LRP5: variants seen among roughly 807,000 people sequenced by gnomAD.
LRP5 encodes low-density lipoprotein receptor-related protein 5.
A neutral mutation model predicts 154.1 loss-of-function variants in LRP5; 62 were observed. The observed-to-expected ratio is 0.40, with a 90% confidence interval of 0.33 to 0.50. LRP5 has a LOEUF of 0.50. Ranked by LOEUF, LRP5 falls within the 20% of genes least tolerant of loss-of-function variation. LRP5 has a pLI of 0.55. For missense variants in LRP5, 1,915 were observed against 2,336.7 expected, an observed-to-expected ratio of 0.82 and a Z score of 3.72; for synonymous variants, 966 against 1,011.5, an observed-to-expected ratio of 0.96 and a Z score of 0.85.
At chr11:68,395,297 T>C (rs2098648635) in intron 7 of LRP5, among the ~76,000 whole-genome samples, 2 of 110,606 alleles carry the variant, frequency 1.8e-5, no homozygotes, top group East Asian at 2.7e-4. Flanking sequence ...TGAGACTCCA[T>C]CTCAAAAAAA....
rs187545907 is a variant in LRP5, at chr11:68,316,904, A to G, written c.91+4099A>G. On this transcript the variant is annotated intron_variant, in intron 1 of 22. Transcript: ENST00000294304. ...GTTACAGAAGCCGTGAGACAGCCGG[A>G]CATCTGTGGTTTGTGAGGCTTTGGA... Among the ~76,000 whole-genome samples the G allele has an allele frequency of 2.1e-3, 326 of 152,364 alleles. 1 individual carries two copies. Among genetic ancestry groups the G allele is most frequent in the Admixed American group, 4.8e-3 (73 of 15,310 alleles).
intron 7 of LRP5, among the ~76,000 whole-genome samples, chr11:68,394,744 G>A (rs1404811698): frequency 3.3e-5 from 5 of 152,296 alleles, no homozygotes; most frequent in South Asian, 4.1e-4. Context: ...GATTACAGGC[G>A]TGAGCCACCG....
intron 6 of LRP5, among the ~76,000 whole-genome samples, chr11:68,387,374 C>G (rs1199901983): frequency 2.0e-5 from 3 of 152,036 alleles, no homozygotes; most frequent in Middle Eastern, 6.9e-3. Context: ...CTCAGCCTCC[C>G]AAAGTGCTGG....
intron 21 of LRP5, among the ~76,000 whole-genome samples, chr11:68,442,063 G>C (rs570536763): frequency 6.6e-6 from 1 of 152,332 alleles, no homozygotes; most frequent in East Asian, 1.9e-4. Flanking sequence ...CCCCCCAGGG[G>C]TCATCTGTAC....
At chr11:68,432,572 A>G (rs1280644047) in intron 17 of LRP5, among the ~76,000 whole-genome samples, 1 of 152,262 alleles carries the variant, frequency 6.6e-6, no homozygotes, top group Non-Finnish European at 1.5e-5. Context: ...GCTTGCGTGC[A>G]GCATGACAGC....
intron 7 of LRP5, among the ~76,000 whole-genome samples, chr11:68,390,886 G>A (rs1011710279): frequency 2.6e-5 from 4 of 152,230 alleles, no homozygotes; most frequent in African/African-American, 4.8e-5. Flanking sequence ...CAGTGGCCTC[G>A]TCCCATGGGC....
intron 4 of LRP5, among the ~76,000 whole-genome samples, chr11:68,364,424 G>A (rs111824173): frequency 1.3e-5 from 2 of 149,916 alleles, no homozygotes; most frequent in Non-Finnish European, 3.0e-5. Flanking sequence ...ATTTTGCCAC[G>A]TTGCCCAGGC....
intron 22 of LRP5, among the ~76,000 whole-genome samples, chr11:68,448,133 A>T (rs1392162929): frequency 1.3e-5 from 2 of 152,178 alleles, no homozygotes; most frequent in Non-Finnish European, 2.9e-5. Context: ...CAGCATGAGA[A>T]CCAAGCGAAA....
Position 68,436,924 on chromosome 11 carries a change from G to A in LRP5, c.4036G>A (p.Gly1346Ser), listed in dbSNP as rs747638441. 2.0e-5 allele frequency: 33 copies of A among 1,613,774 alleles called. No homozygotes were observed. Among genetic ancestry groups the A allele is most frequent in the Middle Eastern group, 1.6e-4 (1 of 6,084 alleles). ...CLPNQFRCAS[G>S]QCVLIKQQCD... ...GCCCAACCAGTTCCGGTGTGCGAGC[G>A]GCCAGTGTGTCCTCATCAAACAGCA... The change falls in exon 19 of 23, where the codon GGC (glycine) becomes AGC (serine). Residue 1346 changes from glycine (G) to serine (S), a missense_variant. Physicochemically the swap from Gly to Ser is moderately conservative, Grantham distance 56 (BLOSUM62 0). Transcript: ENST00000294304.
intron 17 of LRP5, among the ~76,000 whole-genome samples, chr11:68,430,424 G>A (rs563206077): frequency 8.5e-5 from 13 of 152,206 alleles, no homozygotes; most frequent in African/African-American, 2.2e-4. Context: ...CGCCCACCTC[G>A]GCCTCCCAAA....
intron 18 of LRP5, among the ~76,000 whole-genome samples, chr11:68,434,675 C>T (rs913697427): frequency 1.3e-5 from 2 of 152,322 alleles, no homozygotes; most frequent in Middle Eastern, 3.4e-3. Context: ...CCACCGCGCC[C>T]GGCCTGAGTT....
chr11:68,379,965 C>T (rs949523874), intron 5 of LRP5, among the ~76,000 whole-genome samples: 9 of 152,218 alleles, frequency 5.9e-5, no homozygotes, highest in Non-Finnish European at 1.0e-4. Flanking sequence ...AACCCCGTCT[C>T]TACTAAAAAC....
chr11:68,308,923 AT>A (rs34529621), upstream of LRP5, among the ~76,000 whole-genome samples: 8,377 of 74,310 alleles, frequency 0.11, 288 homozygotes, highest in African/African-American at 0.19. Flanking sequence ...TAATCAGCTA[AT>A]TTTTTTTTTT....
At chr11:68,336,057 A>G (rs957820549) in intron 1 of LRP5, among the ~76,000 whole-genome samples, 4 of 152,230 alleles carry the variant, frequency 2.6e-5, no homozygotes, top group Non-Finnish European at 5.9e-5. Flanking sequence ...AGAGAGGCCT[A>G]GAAGCAATGA....
intron 6 of LRP5, among the ~76,000 whole-genome samples, chr11:68,389,449 T>C (rs1420377294): frequency 5.5e-5 from 8 of 144,666 alleles, no homozygotes; most frequent in South Asian, 2.2e-4. Context: ...CTGACACTGA[T>C]ATCTACTGAC....
rs1157856190 is a variant in LRP5, at chr11:68,447,670, G to A, written c.4586+1137G>A. ...CGGACACATCTTCCCCCCGCCCGCC[G>A]TCTGACCTCACAGCAGCTGGGCCCC... On this transcript the variant is annotated intron_variant, in intron 22 of 22. Coordinates refer to ENST00000294304, the MANE Select transcript of LRP5 (RefSeq NM_002335.4). This position sits in a 1 kb window ranked among gnomAD's most constrained non-coding sequence, Gnocchi z 4.3. 4.6e-5 allele frequency among the ~76,000 whole-genome samples: 7 copies of A among 152,120 alleles called. No homozygotes were observed. The highest frequency in any genetic ancestry group is 2.1e-4 in the South Asian group (1 of 4,834).
In LRP5 at chr11:68,353,958, A is replaced by G. The variant is rs1480509375; in HGVS notation, c.489-3692A>G. Among the ~76,000 whole-genome samples, 6 of 152,202 alleles carry G rather than the reference A, an allele frequency of 3.9e-5. No individual in the cohort carries two copies. Among genetic ancestry groups the G allele is most frequent in the African/African-American group, 1.2e-4 (5 of 41,456 alleles). On this transcript the variant is annotated intron_variant, in intron 2 of 22. Transcript: ENST00000294304. The surrounding 1 kb of genome is among the most constrained non-coding windows in gnomAD (Gnocchi z 4.5). ...GGCCCAGGGTACCCATGTGGGTGGC[A>G]GAGCGGGCTCTGGGGATGACCCTCT... is the stretch of plus-strand genomic sequence containing the variant.
intron 7 of LRP5, among the ~76,000 whole-genome samples, chr11:68,402,818 C>T (rs763558467): frequency 1.3e-5 from 2 of 152,198 alleles, no homozygotes; most frequent in Admixed American, 6.5e-5. Context: ...TGCAGTGGTT[C>T]GGGAGAGGAC....
chr11:68,379,833 T>C (rs113772848), intron 5 of LRP5, among the ~76,000 whole-genome samples: 1,519 of 151,144 alleles, frequency 0.01, 32 homozygotes, highest in African/African-American at 0.036. Flanking sequence ...CTTTCTGATA[T>C]TATAAAAGTC....
Sources: allele counts gnomAD v4.1 joint callset (sites outside exome capture counted in the v4.1 genomes callset), GRCh38; gene constraint gnomAD v4.1.1; non-coding constraint Gnocchi (gnomAD v3.1); transcripts MANE v1.5; gene names NCBI Gene and HGNC (gene_info 2026-07-23, HGNC 2026-07-21).